Variants in NLK observed in about 807,000 individuals in gnomAD.
The protein encoded by NLK is serine/threonine-protein kinase NLK.
NLK carries 11 observed loss-of-function variants against 59.0 expected under a neutral mutation model. The observed-to-expected ratio is 0.19, with a 90% CI of 0.12 to 0.31. NLK has a LOEUF of 0.31. Among genes scored for constraint, NLK ranks in the 10% least tolerant of loss-of-function variants. The pLI is 1.00. For synonymous variants in NLK, 235 were observed against 235.9 expected (o/e 1.00, Z 0.03); for missense variants, 410 against 661.1 (o/e 0.62, Z 4.16).
chr17:28,150,921 TC>T (rs1907454130), intron 3 of NLK, among the ~76,000 whole-genome samples: 1 of 152,172 alleles, frequency 6.6e-6, no homozygotes, highest in African/African-American at 2.4e-5. Flanking sequence ...TTTATCTTCA[TC>T]CAATGGTAAC....
intron 2 of NLK, among the ~76,000 whole-genome samples, chr17:28,132,407 G>A (rs140937119): frequency 1.3e-4 from 20 of 152,268 alleles, no homozygotes; most frequent in African/African-American, 4.6e-4. Flanking sequence ...TAACCCAATT[G>A]CCTCTCTCAT....
At chr17:28,058,968 A>G (rs367808275) in intron 1 of NLK, among the ~76,000 whole-genome samples, 1 of 152,084 alleles carries the variant, frequency 6.6e-6, no homozygotes, top group Non-Finnish European at 1.5e-5. Flanking sequence ...TCTACTGAAA[A>G]TACAAAAATT....
At chr17:28,204,512 C>T in the NLK span, among the ~76,000 whole-genome samples, 1 of 152,172 alleles carries the variant, frequency 6.6e-6, no homozygotes, top group African/African-American at 2.4e-5. Flanking sequence ...ATATATGCGC[C>T]TGTGTGTAAG....
At chr17:28,125,282 T>C (rs929593831) in intron 2 of NLK, among the ~76,000 whole-genome samples, 10 of 152,298 alleles carry the variant, frequency 6.6e-5, no homozygotes, top group East Asian at 1.9e-4. Flanking sequence ...AATTAAAACA[T>C]AGAAGCAATT....
intron 1 of NLK, among the ~76,000 whole-genome samples, chr17:28,044,633 C>T (rs559743119): frequency 6.6e-6 from 1 of 152,280 alleles, no homozygotes; most frequent in South Asian, 2.1e-4. Flanking sequence ...GGTCATTCTG[C>T]TCAGGGACCT....
chr17:28,073,346 T>G (rs2042250927), intron 1 of NLK, among the ~76,000 whole-genome samples: 1 of 152,188 alleles, frequency 6.6e-6, no homozygotes, highest in African/African-American at 2.4e-5. Context: ...GGGCCCCAGG[T>G]GGCCTCCTGT....
intron 1 of NLK, among the ~76,000 whole-genome samples, chr17:28,068,001 C>G (rs1909890235): frequency 6.6e-6 from 1 of 151,772 alleles, no homozygotes; most frequent in Non-Finnish European, 1.5e-5. Context: ...ATTAGCAGGG[C>G]ATGGTGGTGC....
intron 3 of NLK, among the ~76,000 whole-genome samples, chr17:28,141,128 A>G (rs1021500179): frequency 2.6e-5 from 4 of 152,332 alleles, no homozygotes; most frequent in Admixed American, 6.5e-5. Flanking sequence ...GAACAAATGT[A>G]TTAGGCACTA....
chr17:28,152,905 T>C (rs1191627892), intron 3 of NLK, among the ~76,000 whole-genome samples: 1 of 152,122 alleles, frequency 6.6e-6, no homozygotes, highest in Non-Finnish European at 1.5e-5. Flanking sequence ...ATTACAGGCA[T>C]GAGCCACCAT....
At chr17:28,145,778 T>C (rs897278537) in intron 3 of NLK, among the ~76,000 whole-genome samples, 2 of 152,064 alleles carry the variant, frequency 1.3e-5, no homozygotes, top group African/African-American at 4.8e-5. Flanking sequence ...TGATCTCAGC[T>C]CACTGCAGCC....
chr17:28,118,132 A>C (rs1289849991), intron 1 of NLK, among the ~76,000 whole-genome samples: 1 of 152,184 alleles, frequency 6.6e-6, no homozygotes, highest in Non-Finnish European at 1.5e-5. Flanking sequence ...TGAAACAGGC[A>C]ATCTAAATAC....
At chr17:28,105,653 G>T (rs537225731) in intron 1 of NLK, among the ~76,000 whole-genome samples, 1 of 152,208 alleles carries the variant, frequency 6.6e-6, no homozygotes, top group South Asian at 2.1e-4. Context: ...TGAACAGCCA[G>T]TTCTTTCCCC....
chr17:28,161,163 T>C lies in NLK; in HGVS notation c.648T>C (p.Tyr216=), dbSNP rs752271592. 16 of 1,579,914 alleles carry C rather than the reference T, an allele frequency of 1.0e-5. No homozygotes were observed. Among genetic ancestry groups the C allele is most frequent in the South Asian group, 7.7e-5 (7 of 90,378 alleles). The stretch of plus-strand genomic sequence containing the variant: ...CTCCTTAACTTAAAACTTCAAGATA[T>C]GTTGTCACAGAATTGATGCAGAGTG... The part of the protein sequence containing the change: ...PPHIDYFEEI[Y]VVTELMQSDL... Residue 216 remains tyrosine (Y), a synonymous_variant, in exon 4 of 11, where the codon TAT becomes TAC. Transcript: ENST00000407008.
chr17:28,058,144 C>T (rs969291684), intron 1 of NLK, among the ~76,000 whole-genome samples: 1 of 152,156 alleles, frequency 6.6e-6, no homozygotes, highest in Admixed American at 6.5e-5. Flanking sequence ...AGCTGGAGTG[C>T]AAATCTAAAT....
chr17:28,124,342 A>G (rs1026975951), intron 2 of NLK, among the ~76,000 whole-genome samples: 1 of 151,886 alleles, frequency 6.6e-6, no homozygotes, highest in South Asian at 2.1e-4. Flanking sequence ...TGGACAACAT[A>G]ACGAGACCTC....
At position 28,171,004 on chromosome 17, in the gene NLK, AT is replaced by A. The variant is rs149408222; in HGVS notation, c.1048-1510del. Among the ~76,000 whole-genome samples, 158 of 152,288 alleles carry A rather than the reference AT, an allele frequency of 1.0e-3. 3 individuals are homozygous for A. The East Asian group carries it at 0.025, about 24-fold the overall frequency. On this transcript the variant is annotated intron_variant, in intron 6 of 10. Coordinates refer to ENST00000407008, the MANE Select transcript of NLK (RefSeq NM_016231.5). ...GTTGTATTTTCTCTGTATCTTTGAG[AT>A]TTAATTACCCTGGTACTAGCAGACA...
At chr17:28,148,801 T>G (rs1907360751) in intron 3 of NLK, among the ~76,000 whole-genome samples, 1 of 152,210 alleles carries the variant, frequency 6.6e-6, no homozygotes, top group African/African-American at 2.4e-5. Flanking sequence ...GTAACAGAAC[T>G]AAGACTAAAA....
rs115227945 is a variant in NLK, at chr17:28,116,334, A to T, written c.459-6269A>T. The T allele has an allele frequency of 3.1e-3, 631 of 200,338 alleles. 7 individuals carry two copies. Among genetic ancestry groups the T allele is most frequent in the African/African-American group, 0.014 (607 of 43,332 alleles). The allele number at this position is 200,338 out of a possible 1,614,324, so 12.4% of individuals were successfully genotyped here. On this transcript the variant is annotated intron_variant, in intron 1 of 10. Transcript: ENST00000407008. ...TTCAGGATCAGACCATGCTGGTTTG[A>T]GCAGACGCAGCAAGAGTGAGAACCC... is the stretch of plus-strand genomic sequence containing the variant.
At chr17:28,061,226 A>C (rs1275297088) in intron 1 of NLK, among the ~76,000 whole-genome samples, 1 of 152,190 alleles carries the variant, frequency 6.6e-6, no homozygotes, top group Non-Finnish European at 1.5e-5. Flanking sequence ...ATCCAGTTTC[A>C]GTGTTTTACC....
Sources: allele counts gnomAD v4.1 joint callset (sites outside exome capture counted in the v4.1 genomes callset), GRCh38; gene constraint gnomAD v4.1.1; transcripts MANE v1.5; gene names NCBI Gene and HGNC (gene_info 2026-07-23, HGNC 2026-07-21).